Variants in BRD8 observed in about 807,000 individuals in gnomAD.
BRD8 encodes the protein bromodomain-containing protein 8.
Under a neutral mutation model 143.1 loss-of-function variants are expected in BRD8, and 67 were observed. The observed-to-expected ratio is 0.47, with a 90% CI of 0.38 to 0.57. BRD8 has a LOEUF of 0.57. BRD8 is among the 20% of genes least tolerant of loss of function. BRD8 has a pLI of 0.00. For missense variants in BRD8, 1,103 were observed against 1,503.0 expected (o/e 0.73, Z 4.40); for synonymous variants, 505 against 517.1 (o/e 0.98, Z 0.32).
intron 15 of BRD8, 35 bp downstream of exon 15, chr5:138,163,095 G>T (rs745898235): frequency 1.1e-5 from 18 of 1,584,168 alleles, no homozygotes; most frequent in South Asian, 4.4e-5. Flanking sequence ...CACCTTCACT[G>T]CCTTGGCCTC....
intron 9 of BRD8, 116 bp downstream of exon 9, chr5:138,167,818 A>G: frequency 2.2e-6 from 2 of 904,500 alleles, no homozygotes; most frequent in South Asian, 1.4e-5. Context: ...AAAAAAAGTT[A>G]GAAAAAGTTG....
intron 6 of BRD8, 78 bp downstream of exon 6, chr5:138,170,754 A>G: frequency 1.5e-6 from 2 of 1,321,834 alleles, no homozygotes; most frequent in South Asian, 2.4e-5. Context: ...CGGCAATTGG[A>G]GGAAATAAGC....
rs764996732 is a variant in BRD8, at chr5:138,165,074, G to A, written c.1371C>T (p.Gly457=). 6.2e-6 allele frequency: 10 copies of A among 1,614,170 alleles called. No individual in the cohort carries two copies. In the East Asian group the frequency reaches 2.0e-4, roughly 32 times the overall value. ...CCTGCTGGATAGGATGCTCCCAGGGGCCAGGCAGGGACTGAGGATCATCAT... is the reference window on the plus strand; with the variant it reads ...CCTGCTGGATAGGATGCTCCCAGGGACCAGGCAGGGACTGAGGATCATCAT... The part of the protein sequence containing the change: ...EENDDPQSLP[G]PWEHPIQQER... The change falls in exon 12 of 27, where the codon GGC becomes GGT. Residue 457 remains glycine, a synonymous_variant. Transcript: ENST00000254900.
chr5:138,170,608 T>C (rs1188986886), intron 6 of BRD8, 199 bp from the exon 7 acceptor site: 3 of 794,416 alleles, frequency 3.8e-6, no homozygotes, highest in Admixed American at 1.7e-5. Context: ...CTATAGCCAC[T>C]CTTAAGTTAG....
chr5:138,164,551 A>G, intron 12 of BRD8, 138 bp from the exon 13 acceptor site: 1 of 1,123,912 alleles, frequency 8.9e-7, no homozygotes, highest in Non-Finnish European at 1.3e-6. Flanking sequence ...TGGTCACCTT[A>G]ACAGGAATAA....
intron 8 of BRD8, 121 bp downstream of exon 8, chr5:138,169,101 C>T: frequency 9.2e-7 from 1 of 1,085,674 alleles, no homozygotes; most frequent in Non-Finnish European, 1.3e-6. Context: ...TAAATTAAGT[C>T]TTTAGCATTC....
chr5:138,164,844 A>G lies in BRD8; in HGVS notation c.1601T>C (p.Met534Thr), dbSNP rs577626805. Residue 534 changes from methionine to threonine, a missense_variant, in exon 12 of 27, where the codon ATG (methionine) becomes ACG (threonine). Met to Thr is a moderately conservative substitution (Grantham distance 81). Coordinates refer to ENST00000254900, the MANE Select transcript of BRD8 (RefSeq NM_139199.2). ...CTGACTCCTGAGTTCTGGTGGCTCC[A>G]TACTTGTGGCTGGAACAACTCCAGC... is the stretch of plus-strand genomic sequence containing the variant. ...IVAGVVPATS[M>T]EPPELRSQDL... 1 of 1,614,202 alleles carries G rather than the reference A, an allele frequency of 6.2e-7. No homozygotes were observed. Among genetic ancestry groups the G allele is most frequent in the South Asian group, 1.1e-5 (1 of 91,090 alleles).
At position 138,163,347 on chromosome 5, in the gene BRD8, T is replaced by G; in HGVS notation, c.1873-3A>C. Reference sequence around the variant, plus strand: ...TCCTCATCCTCACCTGGGGCATCCTTAGATACAGTATGCTCCAGTTAACAA... The same window carrying G: ...TCCTCATCCTCACCTGGGGCATCCTGAGATACAGTATGCTCCAGTTAACAA... On this transcript the variant is annotated splice_region_variant and splice_polypyrimidine_tract_variant and intron_variant, in intron 14 of 26. Transcript: ENST00000254900. The G allele has an allele frequency of 6.2e-7, 1 of 1,613,718 alleles. No homozygotes were observed. Among genetic ancestry groups the G allele is most frequent in the African/African-American group, 1.3e-5 (1 of 75,056 alleles).
chr5:138,170,638 A>T, intron 6 of BRD8, 194 bp downstream of exon 6: 1 of 769,546 alleles, frequency 1.3e-6, no homozygotes, highest in Non-Finnish European at 2.3e-6. Flanking sequence ...ATGTTTTCAT[A>T]CTGAAATGTC....
At chr5:138,145,113 G>A (rs756185030) in intron 25 of BRD8, 64 bp downstream of exon 25, 15 of 1,458,036 alleles carry the variant, frequency 1.0e-5, no homozygotes, top group Non-Finnish European at 1.2e-5. Context: ...TAACAGATGG[G>A]AAATAAAAAA....
At chr5:138,175,244 T>C (rs1012929455) in intron 2 of BRD8, among the ~76,000 whole-genome samples, 10 of 152,104 alleles carry the variant, frequency 6.6e-5, no homozygotes, top group African/African-American at 2.4e-4. Context: ...GTGTTTTTGT[T>C]TTTATGGTGG....
chr5:138,167,805 C>T lies in BRD8; in HGVS notation c.787+129G>A. On this transcript the variant is annotated intron_variant, in intron 9 of 26. Transcript: ENST00000254900. ...ACATTGTTTACCAGGTAAAGTAGCT[C>T]CAAAAAAAAGTTAGAAAAAGTTGGG... The T allele has an allele frequency of 5.1e-6, 4 of 780,486 alleles. No individual in the cohort carries two copies. In the South Asian group the frequency reaches 5.8e-5, roughly 11 times the overall value. The allele number at this position is 780,486 out of a possible 1,614,324, so 48.3% of individuals were successfully genotyped here. A position where few individuals can be genotyped will look rare whatever the true frequency, so the allele number is the denominator to read the frequency against.
rs1308443113 is a variant in BRD8 at position 138,155,148 on chromosome 5, T to TATA, written c.2578-2389_2578-2388insTAT. Reference sequence around the variant, plus strand: ...GCCCGGCACTATTTCATTTCACTATTGAGTTTTAAAAATGTTGGCAGGGCG... The same window carrying TATA: ...GCCCGGCACTATTTCATTTCACTATTATAGAGTTTTAAAAATGTTGGCAGGGCG... On this transcript the variant is annotated intron_variant, in intron 20 of 26. Coordinates refer to ENST00000254900, the MANE Select transcript of BRD8 (RefSeq NM_139199.2). 1.0e-4 allele frequency among the ~76,000 whole-genome samples: 8 copies of TATA among 79,022 alleles called. No homozygotes were observed. In the East Asian group the frequency reaches 4.3e-3, roughly 42 times the overall value. 51.8% of individuals were successfully genotyped at this position (79,022 alleles called of 152,430 possible). A position where few individuals can be genotyped will look rare whatever the true frequency, so the allele number is the denominator to read the frequency against.
chr5:138,162,849 T>TA (rs907586476), intron 15 of BRD8, among the ~76,000 whole-genome samples: 2 of 151,828 alleles, frequency 1.3e-5, no homozygotes, highest in African/African-American at 4.8e-5. Flanking sequence ...AAATTTTTTT[T>TA]AATTAGCAGG....
chr5:138,143,180 G>A (rs1751983463), intron 25 of BRD8, among the ~76,000 whole-genome samples: 1 of 151,934 alleles, frequency 6.6e-6, no homozygotes, highest in Non-Finnish European at 1.5e-5. Flanking sequence ...AGTTATTAGG[G>A]AGGCTGAGGT....
intron 2 of BRD8, among the ~76,000 whole-genome samples, chr5:138,173,749 G>C (rs1388780704): frequency 2.0e-5 from 3 of 152,058 alleles, no homozygotes; most frequent in Admixed American, 6.6e-5. Context: ...TTTTTTGTAG[G>C]GAACAGTTTC....
Position 138,164,962 on chromosome 5 carries a change from T to C in BRD8, c.1483A>G (p.Ile495Val), listed in dbSNP as rs772025827. The change falls in exon 12 of 27, where the codon ATA (isoleucine) becomes GTA (valine). Residue 495 changes from isoleucine to valine, a missense_variant. This residue lies in a region of BRD8 where 139 missense variants were observed against 139.0 expected (regional missense o/e 1.00). Transcript: ENST00000254900. ...TCCCTGATGTCCACCAGTTCATGTA[T>C]TCCCTTGTTTTCCGTTTCCTCAAAG... is the stretch of plus-strand genomic sequence containing the variant. ...LDFEETENKG[I>V]HELVDIREPS... 6.2e-7 allele frequency: 1 copy of C among 1,614,204 alleles called. No individual in the cohort carries two copies.
chr5:138,163,338 G>C lies in BRD8; in HGVS notation c.1879C>G (p.Pro627Ala), dbSNP rs1561610100. 1 of 1,613,778 alleles carries C rather than the reference G, an allele frequency of 6.2e-7. No homozygotes were observed. The highest frequency in any genetic ancestry group is 8.5e-7 in the Non-Finnish European group (1 of 1,179,946). Residue 627 changes from proline (P) to alanine (A), a missense_variant, in exon 15 of 27, where the codon CCA (proline) becomes GCA (alanine). Coordinates refer to ENST00000254900, the MANE Select transcript of BRD8 (RefSeq NM_139199.2). ...TIFGSQIKDA[P>A]GEDEEEDGVS... ...CCATCTTCCTCCTCATCCTCACCTG[G>C]GGCATCCTTAGATACAGTATGCTCC...
intron 25 of BRD8, among the ~76,000 whole-genome samples, chr5:138,142,240 C>A (rs1161937711): frequency 1.3e-5 from 2 of 152,166 alleles, no homozygotes; most frequent in African/African-American, 4.8e-5. Flanking sequence ...GAAGCAGAAG[C>A]AGAGAGTAAC....
Sources: gnomAD v4.1 joint callset for allele counts (sites outside exome capture counted in the v4.1 genomes callset) on GRCh38, gnomAD v4.1.1 for gene constraint, gnomAD v4.1.1 regional missense constraint, MANE v1.5 for transcripts, NCBI Gene and HGNC (gene_info 2026-07-23, HGNC 2026-07-21) for gene names.